The following CRACDL variants were observed in gnomAD, a reference collection of about 807,000 sequenced individuals.
CRACDL encodes the protein CRACD-like protein.
In CRACDL, 26 loss-of-function variants were observed where a neutral mutation model predicts 70.6. The observed-to-expected ratio is 0.37, with a 90% CI of 0.27 to 0.51. The LOEUF is 0.51. Among genes scored for constraint, CRACDL ranks in the 20% least tolerant of loss-of-function variants. The probability of loss-of-function intolerance (pLI) is 0.94; values close to 1 mark genes in which losing one functional copy is unlikely to be tolerated. For missense variants in CRACDL, 1,283 were observed against 1,376.9 expected (o/e 0.93, Z 1.08); for synonymous variants, 618 against 615.2 (o/e 1.00, Z -0.07).
At chr2:98,852,014 A>G (rs772155703) in intron 1 of CRACDL, among the ~76,000 whole-genome samples, 22 of 152,164 alleles carry the variant, frequency 1.4e-4, no homozygotes, top group Non-Finnish European at 2.6e-4. Context: ...TTTGACCTGG[A>G]AAAGCTCTCA....
intron 1 of CRACDL, among the ~76,000 whole-genome samples, chr2:98,863,496 T>TTAA (rs1319805358): frequency 6.6e-6 from 1 of 152,230 alleles, no homozygotes; most frequent in African/African-American, 2.4e-5. Flanking sequence ...ACGGGAATTA[T>TTAA]TAAAGCTACT....
chr2:98,795,077 A>ATATTTTTTTTTTTTTTTTT lies in CRACDL; in HGVS notation c.2750-407_2750-406insAAAAAAAAAAAAAAAAATA. ...TATATATATATATATATATATATATATTTTTTTTTTTTTTTGAGACAGAAG... is the reference window on the plus strand; with the variant it reads ...TATATATATATATATATATATATATATATTTTTTTTTTTTTTTTTTTTTTTTTTTTTTTTGAGACAGAAG... On this transcript the variant is annotated intron_variant, in intron 9 of 9. Coordinates refer to ENST00000397899, the MANE Select transcript of CRACDL (RefSeq NM_207362.3). 2.4e-4 allele frequency among the ~76,000 whole-genome samples: 14 copies of ATATTTTTTTTTTTTTTTTT among 58,488 alleles called. 1 individual carries two copies. The highest frequency in any genetic ancestry group is 9.8e-4 in the South Asian group (1 of 1,022). The allele number at this position is 58,488 out of a possible 152,430, so 38.4% of individuals were successfully genotyped here.
intron 1 of CRACDL, among the ~76,000 whole-genome samples, chr2:98,863,588 T>C (rs1324315997): frequency 6.6e-6 from 1 of 152,166 alleles, no homozygotes; most frequent in Non-Finnish European, 1.5e-5. Context: ...AAAAAAGAGG[T>C]ACAGGCTTTT....
Position 98,797,342 on chromosome 2 carries a change from C to G in CRACDL, c.2604+8G>C. 6.2e-7 allele frequency: 1 copy of G among 1,613,910 alleles called. No individual in the cohort carries two copies. The highest frequency in any genetic ancestry group is 2.2e-5 in the East Asian group (1 of 44,886). ...CACCCACAGAACAGAAGTATTTGCT[C>G]TAAGCACCTGGCCTCTCTCGGGCAC... On this transcript the variant is annotated splice_region_variant and intron_variant, in intron 8 of 9. Coordinates refer to ENST00000397899, the MANE Select transcript of CRACDL (RefSeq NM_207362.3).
At chr2:98,801,730 C>T (rs889889877) in intron 7 of CRACDL, among the ~76,000 whole-genome samples, 1 of 152,138 alleles carries the variant, frequency 6.6e-6, no homozygotes, top group African/African-American at 2.4e-5. Flanking sequence ...TACCTCTCAG[C>T]GTGGTTGGTG....
At chr2:98,865,958 C>T (rs764696769) in intron 1 of CRACDL, among the ~76,000 whole-genome samples, 8 of 151,838 alleles carry the variant, frequency 5.3e-5, no homozygotes, top group Non-Finnish European at 1.0e-4. Flanking sequence ...CCACCACCGA[C>T]CTCAGGTGAT....
chr2:98,816,803 T>C (rs1254514171), intron 7 of CRACDL, among the ~76,000 whole-genome samples: 1 of 152,168 alleles, frequency 6.6e-6, no homozygotes, highest in Non-Finnish European at 1.5e-5. Flanking sequence ...CAAAAAGAAA[T>C]GCCAATGTGA....
At chr2:98,814,303 T>A (rs1166158767) in intron 7 of CRACDL, among the ~76,000 whole-genome samples, 1 of 152,148 alleles carries the variant, frequency 6.6e-6, no homozygotes, top group Non-Finnish European at 1.5e-5. Context: ...TAATGTTGAG[T>A]TTCCCTAAGT....
chr2:98,854,553 A>G (rs1706622979), intron 1 of CRACDL, among the ~76,000 whole-genome samples: 1 of 152,130 alleles, frequency 6.6e-6, no homozygotes, highest in South Asian at 2.1e-4. Context: ...TGGTAGAGAG[A>G]AAATATTCGT....
At chr2:98,899,841 C>T (rs6759944) in intron 1 of CRACDL, among the ~76,000 whole-genome samples, 1 of 121,046 alleles carries the variant, frequency 8.3e-6, no homozygotes, top group Non-Finnish European at 1.7e-5. Flanking sequence ...GACAGAGGCT[C>T]AGCAGGAGGG....
Position 98,827,116 on chromosome 2 carries a change from G to A in CRACDL, c.594C>T (p.Ile198=). The A allele has an allele frequency of 6.2e-7, 1 of 1,614,152 alleles. No homozygotes were observed. The highest frequency in any genetic ancestry group is 2.2e-5 in the East Asian group (1 of 44,874). The change falls in exon 6 of 10, where the codon ATC becomes ATT. Residue 198 remains isoleucine, a synonymous_variant. Coordinates refer to ENST00000397899, the MANE Select transcript of CRACDL (RefSeq NM_207362.3). ...CCACTGGTGCCAGGCTGTTGTCTGAGATCCGGGCAGAGACGGTGCTGTCGC... is the reference window on the plus strand; with the variant it reads ...CCACTGGTGCCAGGCTGTTGTCTGAAATCCGGGCAGAGACGGTGCTGTCGC... The part of the protein sequence containing the change: ...HVSDSTVSAR[I]SDNSLAPVAD...
At chr2:98,820,050 C>A (rs1704959860) in intron 7 of CRACDL, among the ~76,000 whole-genome samples, 1 of 151,426 alleles carries the variant, frequency 6.6e-6, no homozygotes, top group Admixed American at 6.6e-5. Flanking sequence ...GAACTCCTGA[C>A]CTTGTGATCC....
intron 1 of CRACDL, among the ~76,000 whole-genome samples, chr2:98,862,839 G>A (rs1038300207): frequency 1.3e-5 from 2 of 152,148 alleles, no homozygotes; most frequent in African/African-American, 4.8e-5. Flanking sequence ...TCCAGAAAGA[G>A]AAGAGAGAGA....
rs1184307521 is a variant in CRACDL, at chr2:98,823,138, C to T, written c.1135G>A (p.Gly379Ser). The change falls in exon 7 of 10, where the codon GGC (glycine) becomes AGC (serine). Residue 379 changes from glycine (G) to serine (S), a missense_variant. Transcript: ENST00000397899. This position sits in a 1 kb window ranked among gnomAD's most constrained non-coding sequence, Gnocchi z 4.0. ...GKQDGEAPPA[G>S]PCAPATDKAE... Reference sequence around the variant, plus strand: ...TTGTCCGTGGCCGGGGCACACGGGCCTGCGGGGGGCGCCTCCCCATCCTGC... The same window carrying T: ...TTGTCCGTGGCCGGGGCACACGGGCTTGCGGGGGGCGCCTCCCCATCCTGC... The T allele has an allele frequency of 3.2e-6, 5 of 1,562,712 alleles. No homozygotes were observed. The highest frequency in any genetic ancestry group is 1.7e-6 in the Non-Finnish European group (2 of 1,157,970).
At chr2:98,925,614 G>A (rs529798064) in intron 1 of CRACDL, among the ~76,000 whole-genome samples, 19 of 152,252 alleles carry the variant, frequency 1.2e-4, no homozygotes, top group African/African-American at 4.1e-4. Flanking sequence ...CTGCATACAC[G>A]GGGAGTGCGC....
chr2:98,845,202 T>TC (rs1305631616), intron 2 of CRACDL, among the ~76,000 whole-genome samples: 2 of 147,406 alleles, frequency 1.4e-5, no homozygotes, highest in Non-Finnish European at 3.0e-5. Context: ...TTCTTCTTCT[T>TC]TTTTTTTTTT....
In CRACDL at chr2:98,823,037, A is replaced by G. The variant is rs991872810; in HGVS notation, c.1236T>C (p.Thr412=). The part of the protein sequence containing the change: ...FPTAIPEGDT[T]PPETDPAATS... The stretch of plus-strand genomic sequence containing the variant: ...TGGCGGCGGGGTCAGTCTCGGGGGG[A>G]GTCGTGTCCCCCTCAGGGATGGCGG... Residue 412 remains threonine, a synonymous_variant, in exon 7 of 10, where the codon ACT becomes ACC. Transcript: ENST00000397899. The surrounding 1 kb of genome is among the most constrained non-coding windows in gnomAD (Gnocchi z 4.0). 4.7e-6 allele frequency: 7 copies of G among 1,477,040 alleles called. No homozygotes were observed. Among genetic ancestry groups the G allele is most frequent in the South Asian group, 2.7e-5 (2 of 75,386 alleles). The allele number at this position is 1,477,040 out of a possible 1,614,324, so 91.5% of individuals were successfully genotyped here. A position where few individuals can be genotyped will look rare whatever the true frequency, so the allele number is the denominator to read the frequency against.
At chr2:98,797,889 C>T (rs963189132) in intron 7 of CRACDL, among the ~76,000 whole-genome samples, 28 of 152,224 alleles carry the variant, frequency 1.8e-4, no homozygotes, top group African/African-American at 6.0e-4. Context: ...TGTACTGGTC[C>T]AAATGCTGAT....
chr2:98,883,804 G>C (rs1158775864), intron 1 of CRACDL, among the ~76,000 whole-genome samples: 2 of 152,214 alleles, frequency 1.3e-5, no homozygotes. Context: ...AACAAGGCCT[G>C]TCATCCAGGC....
Sources: gnomAD v4.1 joint callset for allele counts (sites outside exome capture counted in the v4.1 genomes callset) on GRCh38, gnomAD v4.1.1 for gene constraint, Gnocchi (gnomAD v3.1) non-coding constraint, MANE v1.5 for transcripts, NCBI Gene and HGNC (gene_info 2026-07-23, HGNC 2026-07-21) for gene names.